FOXP1: variants seen among roughly 807,000 people sequenced by gnomAD.
The protein encoded by FOXP1 is forkhead box P1.
A neutral mutation model predicts 98.2 loss-of-function variants in FOXP1; 15 were observed. The observed-to-expected ratio is 0.15, with a 90% CI of 0.10 to 0.24. FOXP1 has a LOEUF of 0.24. Among genes scored for constraint, FOXP1 ranks in the 10% least tolerant of loss-of-function variants. The probability of loss-of-function intolerance (pLI) is 1.00; values close to 1 mark genes in which losing one functional copy is unlikely to be tolerated. For missense variants in FOXP1, 633 were observed against 848.5 expected, an observed-to-expected ratio of 0.75 and a Z score of 3.15; for synonymous variants, 371 against 314.5, an observed-to-expected ratio of 1.18 and a Z score of -1.90.
intron 7 of FOXP1, among the ~76,000 whole-genome samples, chr3:71,097,455 T>A (rs1165562333): frequency 6.6e-6 from 1 of 152,170 alleles, no homozygotes; most frequent in Non-Finnish European, 1.5e-5. Flanking sequence ...AGAGAAATTT[T>A]GTTAATCCCT....
chr3:71,569,594 T>C (rs182860997), intron 2 of FOXP1, among the ~76,000 whole-genome samples: 249 of 152,312 alleles, frequency 1.6e-3, no homozygotes, highest in African/African-American at 5.8e-3. Flanking sequence ...GAACATCATC[T>C]ATATATTTTA....
At chr3:71,285,614 A>G (rs1485581704) in intron 5 of FOXP1, among the ~76,000 whole-genome samples, 2 of 152,240 alleles carry the variant, frequency 1.3e-5, no homozygotes, top group African/African-American at 2.4e-5. Flanking sequence ...AGAATATTAG[A>G]AATTAAATCC....
At chr3:71,132,723 TA>T (rs1356964414) in intron 6 of FOXP1, among the ~76,000 whole-genome samples, 2 of 152,172 alleles carry the variant, frequency 1.3e-5, no homozygotes, top group Non-Finnish European at 2.9e-5. Context: ...AAATATGGAT[TA>T]AAAAATGTAC....
intron 11 of FOXP1, among the ~76,000 whole-genome samples, chr3:71,036,063 A>G (rs1189431730): frequency 6.6e-6 from 1 of 152,230 alleles, no homozygotes; most frequent in African/African-American, 2.4e-5. Context: ...GTAAACACAA[A>G]TGTTATTGTT....
intron 5 of FOXP1, among the ~76,000 whole-genome samples, chr3:71,265,089 T>C (rs772461361): frequency 2.0e-5 from 3 of 152,132 alleles, no homozygotes; most frequent in Non-Finnish European, 2.9e-5. Flanking sequence ...TGTGAAGTGC[T>C]AGCTCTAATT....
chr3:71,458,680 T>G (rs1263985439), intron 3 of FOXP1, among the ~76,000 whole-genome samples: 2 of 152,228 alleles, frequency 1.3e-5, no homozygotes, highest in African/African-American at 4.8e-5. Flanking sequence ...CAGCATTTAT[T>G]TCTTTAGCTG....
rs557228528 is a variant in FOXP1, at chr3:71,528,171, C to T, written c.-297-34616G>A. On this transcript the variant is annotated intron_variant, in intron 2 of 20. Coordinates refer to ENST00000649528, the MANE Select transcript of FOXP1 (RefSeq NM_001349338.3). Reference sequence around the variant, plus strand: ...TTCTCTTTATGAAAACATGTTTGTGCTTACACCTCCCGGCATTTGTTCAGT... The same window carrying T: ...TTCTCTTTATGAAAACATGTTTGTGTTTACACCTCCCGGCATTTGTTCAGT... 5.3e-5 allele frequency among the ~76,000 whole-genome samples: 8 copies of T among 152,244 alleles called. No homozygotes were observed. In the East Asian group the frequency reaches 9.6e-4, roughly 18 times the overall value.
At chr3:71,406,793 G>A (rs193121885) in intron 3 of FOXP1, among the ~76,000 whole-genome samples, 10 of 152,056 alleles carry the variant, frequency 6.6e-5, no homozygotes, top group African/African-American at 2.2e-4. Context: ...GATCAGGATC[G>A]CAGGCAAAAA....
intron 5 of FOXP1, among the ~76,000 whole-genome samples, chr3:71,270,768 T>C (rs1250293389): frequency 6.6e-6 from 1 of 152,320 alleles, no homozygotes. Context: ...CCTTGGCCAA[T>C]AAATTTTTCT....
chr3:71,119,299 A>G (rs2058590381), intron 6 of FOXP1, among the ~76,000 whole-genome samples: 1 of 152,186 alleles, frequency 6.6e-6, no homozygotes, highest in Admixed American at 6.5e-5. Context: ...CATGTGCCTT[A>G]TTGGTGGCCA....
At chr3:71,227,616 G>A (rs2065942673) in intron 5 of FOXP1, among the ~76,000 whole-genome samples, 1 of 151,898 alleles carries the variant, frequency 6.6e-6, no homozygotes, top group Non-Finnish European at 1.5e-5. Flanking sequence ...TACACCCAGG[G>A]CTGTCAAGAT....
At chr3:71,135,730 C>T (rs1256884607) in intron 6 of FOXP1, among the ~76,000 whole-genome samples, 1 of 152,152 alleles carries the variant, frequency 6.6e-6, no homozygotes, top group Non-Finnish European at 1.5e-5. Flanking sequence ...CTGCCCAGAG[C>T]CAGTGAACCA....
intron 3 of FOXP1, among the ~76,000 whole-genome samples, chr3:71,371,545 T>C (rs1273229598): frequency 1.3e-5 from 2 of 152,182 alleles, no homozygotes; most frequent in Non-Finnish European, 1.5e-5. Context: ...CAATATTTTG[T>C]GAGCCTGAGG....
chr3:71,038,028 CATT>C (rs1418666702), intron 11 of FOXP1, among the ~76,000 whole-genome samples: 2 of 152,154 alleles, frequency 1.3e-5, no homozygotes, highest in African/African-American at 4.8e-5. Flanking sequence ...GTGCCAAGCA[CATT>C]ATTTATCTCC....
chr3:71,509,383 G>A (rs2042040221), intron 2 of FOXP1, among the ~76,000 whole-genome samples: 1 of 152,174 alleles, frequency 6.6e-6, no homozygotes, highest in Admixed American at 6.5e-5. Context: ...GTCTTCCCGT[G>A]TGGGTTTTTG....
At chr3:71,485,803 T>C (rs1419109152) in intron 3 of FOXP1, among the ~76,000 whole-genome samples, 1 of 149,424 alleles carries the variant, frequency 6.7e-6, no homozygotes, top group East Asian at 2.0e-4. Flanking sequence ...ACAGAAATAA[T>C]GCAGTGTTGA....
At chr3:71,343,442 C>A (rs1223530770) in intron 4 of FOXP1, among the ~76,000 whole-genome samples, 5 of 151,906 alleles carry the variant, frequency 3.3e-5, no homozygotes, top group African/African-American at 1.2e-4. Context: ...ACACCAATAT[C>A]TAAGAATAAT....
At chr3:71,264,730 C>A (rs1467884070) in intron 5 of FOXP1, among the ~76,000 whole-genome samples, 1 of 152,184 alleles carries the variant, frequency 6.6e-6, no homozygotes, top group African/African-American at 2.4e-5. Context: ...TGTAGTTCAG[C>A]TGGAGGTAAA....
chr3:71,070,300 G>A (rs550956454), intron 7 of FOXP1, among the ~76,000 whole-genome samples: 127 of 152,248 alleles, frequency 8.3e-4, no homozygotes, highest in African/African-American at 2.8e-3. Flanking sequence ...CGATATTTTA[G>A]CTCACCTAAG....
Sources: gnomAD v4.1 joint callset for allele counts (sites outside exome capture counted in the v4.1 genomes callset) on GRCh38, gnomAD v4.1.1 for gene constraint, MANE v1.5 for transcripts, NCBI Gene and HGNC (gene_info 2026-07-23, HGNC 2026-07-21) for gene names.